The following PRKCQ variants were observed in gnomAD, a reference collection of about 807,000 sequenced individuals.
PRKCQ encodes protein kinase C theta type.
A neutral mutation model predicts 91.2 loss-of-function variants in PRKCQ; 41 were observed. That is an observed-to-expected ratio of 0.45 (90% confidence interval 0.35 to 0.58). The LOEUF is 0.58. PRKCQ is among the 20% of genes least tolerant of loss of function. The pLI, the probability that PRKCQ is intolerant of heterozygous loss-of-function variation, is 0.00. For missense variants in PRKCQ, 673 were observed against 896.5 expected (o/e 0.75, Z 3.18); for synonymous variants, 307 against 316.9 (o/e 0.97, Z 0.33).
chr10:6,471,716 C>T (rs1340723444), intron 12 of PRKCQ, among the ~76,000 whole-genome samples: 1 of 152,170 alleles, frequency 6.6e-6, no homozygotes, highest in Non-Finnish European at 1.5e-5. Context: ...TTCCACTGTA[C>T]TCCAATCTGG....
At chr10:6,407,030 G>C in the PRKCQ span, among the ~76,000 whole-genome samples, 3 of 152,160 alleles carry the variant, frequency 2.0e-5, no homozygotes, top group African/African-American at 7.2e-5. The surrounding 1 kb of genome is among the most constrained non-coding windows in gnomAD (Gnocchi z 4.0). Flanking sequence ...AAAGATCAAT[G>C]AGTGAAGTTT....
chr10:6,507,937 T>C (rs1244034610), intron 3 of PRKCQ, among the ~76,000 whole-genome samples: 1 of 152,164 alleles, frequency 6.6e-6, no homozygotes, highest in East Asian at 1.9e-4. Context: ...TCCAGGCCCC[T>C]GTCTTCTTTT....
At chr10:6,424,515 CAGG>C (rs1370865502), downstream of PRKCQ, among the ~76,000 whole-genome samples, 4 of 152,106 alleles carry the variant, frequency 2.6e-5, no homozygotes, top group Admixed American at 1.3e-4. Context: ...AGAGAGGTGG[CAGG>C]AGAAGTCTTC....
chr10:6,536,190 C>T (rs1839577246), intron 1 of PRKCQ, among the ~76,000 whole-genome samples: 1 of 152,108 alleles, frequency 6.6e-6, no homozygotes, highest in South Asian at 2.1e-4. Context: ...GCTCTAATCC[C>T]CCACCTGCAC....
In PRKCQ at chr10:6,491,607, T is replaced by C. The variant is rs184517769; in HGVS notation, c.790+76A>G. ...GAAGTGGTACCCCCTACATCCTCCC[T>C]CCAGTTCCCCAGAAAGCCTTGCTCC... On this transcript the variant is annotated intron_variant, in intron 8 of 17. Coordinates refer to ENST00000263125, the MANE Select transcript of PRKCQ (RefSeq NM_006257.5). 3.6e-4 allele frequency: 563 copies of C among 1,575,526 alleles called. 7 individuals are homozygous for C. In the East Asian group the frequency reaches 0.012, roughly 34 times the overall value.
chr10:6,518,071 A>C (rs73607058), intron 1 of PRKCQ, among the ~76,000 whole-genome samples: 2,414 of 152,298 alleles, frequency 0.016, 71 homozygotes, highest in African/African-American at 0.056. Flanking sequence ...AGCATGAGCA[A>C]ATTTTGGGGA....
chr10:6,548,067 G>A (rs1303481892), intron 1 of PRKCQ, among the ~76,000 whole-genome samples: 8 of 152,150 alleles, frequency 5.3e-5, no homozygotes, highest in Non-Finnish European at 8.8e-5. Context: ...CAAAAAGTGG[G>A]TGAAGGATAT....
intron 8 of PRKCQ, chr10:6,489,386 T>G: frequency 1.9e-6 from 1 of 526,374 alleles, no homozygotes; most frequent in Non-Finnish European, 3.9e-6. Context: ...TCCTAAGTCT[T>G]TGTTACTAAC....
At chr10:6,499,706 T>C (rs1466774328) in intron 4 of PRKCQ, among the ~76,000 whole-genome samples, 1 of 152,252 alleles carries the variant, frequency 6.6e-6, no homozygotes, top group African/African-American at 2.4e-5. Context: ...AGCAGGTTCA[T>C]CATATTTCAC....
rs1457691905 is a variant in PRKCQ, at chr10:6,485,223, A to G, written c.947T>C (p.Val316Ala). 4 of 1,613,984 alleles carry G rather than the reference A, an allele frequency of 2.5e-6. No homozygotes were observed. In the African/African-American group the frequency reaches 5.3e-5, roughly 22 times the overall value. ...DTEQIFREGP[V>A]EIGLPCSIKN... ...GATGGAGCATGGGAGACCAATTTCA[A>G]CCGGACCTTCTCTGAAGATCTGTTC... Residue 316 changes from valine (V) to alanine (A), a missense_variant, in exon 10 of 18, where the codon GTT becomes GCT. Physicochemically the swap from Val to Ala is moderately conservative, Grantham distance 64. Transcript: ENST00000263125.
downstream of PRKCQ, among the ~76,000 whole-genome samples, chr10:6,423,599 G>A (rs557754187): frequency 1.4e-3 from 214 of 152,234 alleles, no homozygotes; most frequent in African/African-American, 4.9e-3. Flanking sequence ...CAGTAACTCC[G>A]GGAAGTGAGA....
At chr10:6,466,457 T>C (rs533945385) in intron 12 of PRKCQ, among the ~76,000 whole-genome samples, 1 of 152,350 alleles carries the variant, frequency 6.6e-6, no homozygotes, top group East Asian at 1.9e-4. Context: ...TGATTATTAA[T>C]TAACAGCAAT....
At chr10:6,406,260 T>A in the PRKCQ span, among the ~76,000 whole-genome samples, 6 of 152,210 alleles carry the variant, frequency 3.9e-5, no homozygotes, top group Non-Finnish European at 8.8e-5. Flanking sequence ...AAAATTGTTC[T>A]TTTTAAAATT....
chr10:6,435,500 T>G (rs1833656883), intron 16 of PRKCQ, among the ~76,000 whole-genome samples: 1 of 152,204 alleles, frequency 6.6e-6, no homozygotes, highest in Non-Finnish European at 1.5e-5. Context: ...TGGAAATTAA[T>G]TTTATCAGCC....
At chr10:6,511,990 C>T (rs1170614129) in intron 2 of PRKCQ, among the ~76,000 whole-genome samples, 1 of 152,004 alleles carries the variant, frequency 6.6e-6, no homozygotes, top group African/African-American at 2.4e-5. Context: ...ATCTTTTATG[C>T]CTTTGAGATT....
At chr10:6,446,100 ATG>A (rs1834275560) in intron 15 of PRKCQ, among the ~76,000 whole-genome samples, 1 of 152,160 alleles carries the variant, frequency 6.6e-6, no homozygotes, top group African/African-American at 2.4e-5. Context: ...GAATACTGAT[ATG>A]TGTTAGGAGT....
intron 1 of PRKCQ, among the ~76,000 whole-genome samples, chr10:6,524,471 A>G (rs1475678185): frequency 6.6e-6 from 1 of 152,128 alleles, no homozygotes; most frequent in Non-Finnish European, 1.5e-5. Context: ...TGCCACATCT[A>G]CCGTCTTCAG....
At chr10:6,460,480 C>CCT (rs1564316867) in intron 14 of PRKCQ, among the ~76,000 whole-genome samples, 4 of 150,064 alleles carry the variant, frequency 2.7e-5, no homozygotes, top group African/African-American at 4.9e-5. Flanking sequence ...CCTACTTCCC[C>CCT]TTTTTTTTTT....
intron 16 of PRKCQ, among the ~76,000 whole-genome samples, chr10:6,438,191 T>A (rs1037162917): frequency 1.1e-4 from 16 of 152,368 alleles, no homozygotes; most frequent in South Asian, 2.1e-4. Context: ...GAGGGCTTTG[T>A]CAGCACTTCT....
Sources: allele counts gnomAD v4.1 joint callset (sites outside exome capture counted in the v4.1 genomes callset), GRCh38; gene constraint gnomAD v4.1.1; non-coding constraint Gnocchi (gnomAD v3.1); transcripts MANE v1.5; gene names NCBI Gene and HGNC (gene_info 2026-07-23, HGNC 2026-07-21).